Variants in FER1L5 observed in about 807,000 individuals in gnomAD.
The protein encoded by FER1L5 is fer-1 like family member 5, also known as fer-1-like protein 5.
Under a neutral mutation model 279.9 loss-of-function variants are expected in FER1L5, and 187 were observed. The observed-to-expected ratio is 0.67, with a 90% CI of 0.59 to 0.75. The LOEUF is 0.75. Ranked by LOEUF, FER1L5 falls within the 30% of genes least tolerant of loss-of-function variation. FER1L5 has a pLI of 0.00. For missense variants in FER1L5, 2,091 were observed against 2,594.4 expected (o/e 0.81, Z 4.21); for synonymous variants, 921 against 989.7 (o/e 0.93, Z 1.30).
chr2:96,696,085 A>G lies in FER1L5; in HGVS notation c.4083+8A>G, dbSNP rs927862594. The G allele has an allele frequency of 1.9e-6, 3 of 1,613,602 alleles. No individual in the cohort carries two copies. The highest frequency in any genetic ancestry group is 1.3e-5 in the African/African-American group (1 of 74,926). Reference sequence around the variant, plus strand: ...GAGAAGAAGCACCAAGACGTAAGTAAGGGCTGCAGGCCCACCTTCTCCCAT... The same window carrying G: ...GAGAAGAAGCACCAAGACGTAAGTAGGGGCTGCAGGCCCACCTTCTCCCAT... On this transcript the variant is annotated splice_region_variant and intron_variant, in intron 37 of 52. Transcript: ENST00000624922.
chr2:96,699,714 A>G lies in FER1L5; in HGVS notation c.4775A>G (p.Tyr1592Cys), dbSNP rs1349361706. The change falls in exon 43 of 53, where the codon TAC becomes TGC. Residue 1592 changes from tyrosine (Y) to cysteine (C), a missense_variant. Coordinates refer to ENST00000624922, the MANE Select transcript of FER1L5 (RefSeq NM_001293083.2). ...FGAHCGLSKSYCQSGPFRWRD... is the reference protein window; with the variant it reads ...FGAHCGLSKSCCQSGPFRWRD... ...GCTCATTGTGGGCTCTCCAAATCCT[A>G]CTGCCAGTGAGAGTGGGCCCGTCTG... is the stretch of plus-strand genomic sequence containing the variant. The G allele has an allele frequency of 6.2e-7, 1 of 1,613,798 alleles. No homozygotes were observed. Among genetic ancestry groups the G allele is most frequent in the African/African-American group, 1.3e-5 (1 of 74,900 alleles).
In FER1L5 at chr2:96,678,918, C is replaced by T. The variant is rs373785914; in HGVS notation, c.1670-5409C>T. Among the ~76,000 whole-genome samples, 132 of 152,208 alleles carry T rather than the reference C, an allele frequency of 8.7e-4. 3 individuals are homozygous for T. The South Asian group carries it at 0.027, about 31-fold the overall frequency. On this transcript the variant is annotated intron_variant, in intron 19 of 52. Transcript: ENST00000624922. ...GCAAATTGTCTGTGGCTTGTCTTTTCATTTTCTTAGTAGTGTCTTTTGAAG... is the reference window on the plus strand; with the variant it reads ...GCAAATTGTCTGTGGCTTGTCTTTTTATTTTCTTAGTAGTGTCTTTTGAAG...
rs1441227306 is a variant in FER1L5 at position 96,704,497 on chromosome 2, T to G, written c.5979T>G (p.Pro1993=). ...PHYLAMSWIK[P]QLQLYPPIKI... ...ATTTGGCCATGAGCTGGATCAAACC[T>G]CAACTTCAGCTGTATCCTCCCATTA... The change falls in exon 53 of 53, where the codon CCT becomes CCG. Residue 1993 remains proline, a synonymous_variant. Coordinates refer to ENST00000624922, the MANE Select transcript of FER1L5 (RefSeq NM_001293083.2). The G allele has an allele frequency of 6.2e-7, 1 of 1,613,874 alleles. No homozygotes were observed. The highest frequency in any genetic ancestry group is 1.7e-5 in the Admixed American group (1 of 60,016).
In FER1L5 at chr2:96,702,787, C is replaced by A. The variant is rs777272331; in HGVS notation, c.5397+46C>A. On this transcript the variant is annotated intron_variant, in intron 48 of 52. Transcript: ENST00000624922. This position sits in a 1 kb window ranked among gnomAD's most constrained non-coding sequence, Gnocchi z 4.0. ...GGGGCAACAGGCCACAACAAACAGACCCAGGCTCCTGGAGCTCCTCCCCCC... is the reference window on the plus strand; with the variant it reads ...GGGGCAACAGGCCACAACAAACAGAACCAGGCTCCTGGAGCTCCTCCCCCC... The A allele has an allele frequency of 1.2e-6, 2 of 1,604,434 alleles. No individual in the cohort carries two copies. The highest frequency in any genetic ancestry group is 2.2e-5 in the South Asian group (2 of 89,784).
chr2:96,698,641 G>T lies in FER1L5; in HGVS notation c.4357-30G>T. ...TTACAGAGCTGGCCAGCACTGCCAGGCTGGGCCCCCAACACCCTCCCCCCG... is the reference window on the plus strand; with the variant it reads ...TTACAGAGCTGGCCAGCACTGCCAGTCTGGGCCCCCAACACCCTCCCCCCG... On this transcript the variant is annotated intron_variant, in intron 40 of 52. Coordinates refer to ENST00000624922, the MANE Select transcript of FER1L5 (RefSeq NM_001293083.2). This position sits in a 1 kb window ranked among gnomAD's most constrained non-coding sequence, Gnocchi z 5.5. 1.3e-6 allele frequency: 2 copies of T among 1,557,636 alleles called. No homozygotes were observed. Among genetic ancestry groups the T allele is most frequent in the Non-Finnish European group, 8.7e-7 (1 of 1,147,610 alleles).
intron 31 of FER1L5, among the ~76,000 whole-genome samples, chr2:96,692,488 C>G (rs2077191216): frequency 6.6e-6 from 1 of 152,200 alleles, no homozygotes; most frequent in Non-Finnish European, 1.5e-5. Flanking sequence ...GGCGTGACCC[C>G]AGTGCTGTGG....
chr2:96,684,811 A>C (rs996838054), intron 20 of FER1L5, among the ~76,000 whole-genome samples: 6 of 152,140 alleles, frequency 3.9e-5, no homozygotes, highest in African/African-American at 1.2e-4. Flanking sequence ...ATGACACATC[A>C]GCAGGGTTTT....
chr2:96,659,420 T>TCCTTCCTTC, intron 9 of FER1L5, among the ~76,000 whole-genome samples: 1 of 8,386 alleles, frequency 1.2e-4, no homozygotes, highest in Non-Finnish European at 1.9e-4. Context: ...TTTCTTTCTT[T>TCCTTCCTTC]CTTTCTTTCT....
chr2:96,687,719 CA>C (rs1195306042), intron 23 of FER1L5, 96 bp from the exon 24 acceptor site: 31 of 1,437,500 alleles, frequency 2.2e-5, no homozygotes, highest in African/African-American at 4.9e-5. Context: ...TCCCAGGGCT[CA>C]GGGGGGAAGG....
At chr2:96,692,248 C>T in intron 31 of FER1L5, 67 bp downstream of exon 31, 2 of 1,509,772 alleles carry the variant, frequency 1.3e-6, no homozygotes, top group Non-Finnish European at 1.8e-6. Flanking sequence ...GGGTTGTGTT[C>T]CTGCAGCAGC....
intron 5 of FER1L5, among the ~76,000 whole-genome samples, chr2:96,649,978 G>A (rs2075294968): frequency 6.6e-6 from 1 of 152,238 alleles, no homozygotes. Flanking sequence ...AGTGTGTGGA[G>A]CAGGGTCCAG....
rs1174496676 is a variant in FER1L5, at chr2:96,659,300, T to G, written c.748-1041T>G. 4.5e-3 allele frequency among the ~76,000 whole-genome samples: 137 copies of G among 30,198 alleles called. 8 individuals carry two copies. Among genetic ancestry groups the G allele is most frequent in the East Asian group, 0.012 (12 of 994 alleles). The allele number at this position is 30,198 out of a possible 152,430, so 19.8% of individuals were successfully genotyped here. A position where few individuals can be genotyped will look rare whatever the true frequency, so the allele number is the denominator to read the frequency against. On this transcript the variant is annotated intron_variant, in intron 9 of 52. Transcript: ENST00000624922. ...TCCAATTTATCAAGCTTTCCTTCCT[T>G]CCTTCCTTCCTTCCTTCCTTCCTTC...
chr2:96,688,648 A>G (rs1573928413), intron 24 of FER1L5, among the ~76,000 whole-genome samples: 1 of 152,128 alleles, frequency 6.6e-6, no homozygotes, highest in South Asian at 2.1e-4. Flanking sequence ...GCATGTGTAG[A>G]TGGATACATC....
At position 96,653,735 on chromosome 2, in the gene FER1L5, G is replaced by A. The variant is rs1040229588; in HGVS notation, c.696+33G>A. 10 of 1,516,088 alleles carry A rather than the reference G, an allele frequency of 6.6e-6. No homozygotes were observed. The Admixed American group carries it at 2.0e-4, about 30-fold the overall frequency. 93.9% of individuals were successfully genotyped at this position (1,516,088 alleles called of 1,614,324 possible). A position where few individuals can be genotyped will look rare whatever the true frequency, so the allele number is the denominator to read the frequency against. On this transcript the variant is annotated intron_variant, in intron 8 of 52. Coordinates refer to ENST00000624922, the MANE Select transcript of FER1L5 (RefSeq NM_001293083.2). The stretch of plus-strand genomic sequence containing the variant: ...GCCAAACTGGTCCCCAGCAAGGTGG[G>A]TTTCTTGTCCCACTTCAATACTGGG...
Position 96,694,690 on chromosome 2 carries a change from T to C in FER1L5, c.3741+226T>C. On this transcript the variant is annotated intron_variant, in intron 34 of 52. Transcript: ENST00000624922. This position sits in a 1 kb window ranked among gnomAD's most constrained non-coding sequence, Gnocchi z 4.6. Reference sequence around the variant, plus strand: ...GCAGTGAGGAGTAGGCAAAGGGCTGTAGCATGCATGATCACTTGTGGGACT... The same window carrying C: ...GCAGTGAGGAGTAGGCAAAGGGCTGCAGCATGCATGATCACTTGTGGGACT... 2.4e-6 allele frequency: 1 copy of C among 418,046 alleles called. No homozygotes were observed. The highest frequency in any genetic ancestry group is 4.2e-6 in the Non-Finnish European group (1 of 237,204). The allele number at this position is 418,046 out of a possible 1,614,324, so 25.9% of individuals were successfully genotyped here. A position where few individuals can be genotyped will look rare whatever the true frequency, so the allele number is the denominator to read the frequency against.
chr2:96,659,442 T>G lies in FER1L5; in HGVS notation c.748-899T>G, dbSNP rs1451724520. On this transcript the variant is annotated intron_variant, in intron 9 of 52. Transcript: ENST00000624922. ...CTTTCTTTCTTTCTTTCTTTCTTTC[T>G]TTCTTTCTTTCTTTCTTTCTTTCTT... Among the ~76,000 whole-genome samples, 3 of 29,100 alleles carry G rather than the reference T, an allele frequency of 1.0e-4. No individual in the cohort carries two copies. In the East Asian group the frequency reaches 2.5e-3, roughly 24 times the overall value. 19.1% of individuals were successfully genotyped at this position (29,100 alleles called of 152,430 possible). A position where few individuals can be genotyped will look rare whatever the true frequency, so the allele number is the denominator to read the frequency against.
Position 96,687,650 on chromosome 2 carries a change from G to A in FER1L5, c.2230-166G>A, listed in dbSNP as rs114471354. On this transcript the variant is annotated intron_variant, in intron 23 of 52. Transcript: ENST00000624922. ...TGGAGCCACCCCACTCTGGAGGGCA[G>A]AACAGAACTCCATGCCATTCACTTA... 8.9e-4 allele frequency: 996 copies of A among 1,120,102 alleles called. 4 individuals are homozygous for A. The African/African-American group carries it at 0.013, about 15-fold the overall frequency. 69.4% of individuals were successfully genotyped at this position (1,120,102 alleles called of 1,614,324 possible).
At chr2:96,692,774 A>T (rs2077202430) in intron 31 of FER1L5, among the ~76,000 whole-genome samples, 1 of 151,992 alleles carries the variant, frequency 6.6e-6, no homozygotes, top group African/African-American at 2.4e-5. Context: ...GGGAGTGGGG[A>T]CAGTAGGTGG....
rs186267783 is a variant in FER1L5, at chr2:96,693,474, A to G, written c.3293-32A>G. The G allele has an allele frequency of 1.3e-5, 20 of 1,533,624 alleles. No individual in the cohort carries two copies. In the East Asian group the frequency reaches 4.9e-4, roughly 38 times the overall value. ...GAGGAAAGCCCCTCTTCCCAGCTCAAGACACTGCTACCTTCTCCTCTACCC... is the reference window on the plus strand; with the variant it reads ...GAGGAAAGCCCCTCTTCCCAGCTCAGGACACTGCTACCTTCTCCTCTACCC... On this transcript the variant is annotated intron_variant, in intron 31 of 52. Transcript: ENST00000624922.
Sources: allele counts gnomAD v4.1 joint callset (sites outside exome capture counted in the v4.1 genomes callset), GRCh38; gene constraint gnomAD v4.1.1; non-coding constraint Gnocchi (gnomAD v3.1); transcripts MANE v1.5; gene names NCBI Gene and HGNC (gene_info 2026-07-23, HGNC 2026-07-21).